The following SLC9B1 variants were observed in gnomAD, a reference collection of about 807,000 sequenced individuals.
SLC9B1 encodes solute carrier family 9 member B1, also known as sodium/hydrogen exchanger 9B1.
A neutral mutation model predicts 51.7 loss-of-function variants in SLC9B1; 32 were observed. That is an observed-to-expected ratio of 0.62 (90% CI 0.47 to 0.83). The LOEUF (loss-of-function observed/expected upper bound fraction) is 0.83. Ranked by LOEUF, SLC9B1 falls within the 40% of genes least tolerant of loss-of-function variation. The probability of loss-of-function intolerance (pLI) is 0.00; values close to 1 mark genes in which losing one functional copy is unlikely to be tolerated. For missense variants in SLC9B1, 406 were observed against 613.2 expected (o/e 0.66, Z 3.57); for synonymous variants, 145 against 212.7 (o/e 0.68, Z 2.77).
At chr4:103,001,115 C>G (rs1297316258) in intron 1 of SLC9B1, among the ~76,000 whole-genome samples, 4 of 152,198 alleles carry the variant, frequency 2.6e-5, no homozygotes, top group Admixed American at 2.0e-4. Context: ...TGGGGTTTCA[C>G]CCTCTTGAAG....
At chr4:102,931,324 GGAAAGGAA>G (rs1288315389) in intron 7 of SLC9B1, among the ~76,000 whole-genome samples, 1 of 151,464 alleles carries the variant, frequency 6.6e-6, no homozygotes, top group African/African-American at 2.4e-5. Flanking sequence ...GAAAGGAAAG[GGAAAGGAA>G]GAAGGGAAGA....
In SLC9B1 at chr4:103,005,954, G is replaced by C. The variant is rs1286573808; in HGVS notation, c.-2+13645C>G. 3.3e-5 allele frequency among the ~76,000 whole-genome samples: 5 copies of C among 152,226 alleles called. No individual in the cohort carries two copies. The East Asian group carries it at 9.6e-4, about 29-fold the overall frequency. ...CTGAGACAGGGCTAAAGCATGCTAAGAGAAAAGTTTATAGCACTAAATGCC... is the reference window on the plus strand; with the variant it reads ...CTGAGACAGGGCTAAAGCATGCTAACAGAAAAGTTTATAGCACTAAATGCC... On this transcript the variant is annotated intron_variant, in intron 1 of 11. Coordinates refer to ENST00000296422, the MANE Select transcript of SLC9B1 (RefSeq NM_139173.4).
rs1466561136 is a variant in SLC9B1, at chr4:102,975,584, A to ATTTTTTTTTTT, written c.211+14215_211+14216insAAAAAAAAAAA. Reference sequence around the variant, plus strand: ...TATATACATATATATATATATATATATATTTTTTTTTTTTTTTTTTTTTTT... The same window carrying ATTTTTTTTTTT: ...TATATACATATATATATATATATATATTTTTTTTTTTTATTTTTTTTTTTTTTTTTTTTTTT... On this transcript the variant is annotated intron_variant, in intron 3 of 11. Coordinates refer to ENST00000296422, the MANE Select transcript of SLC9B1 (RefSeq NM_139173.4). Among the ~76,000 whole-genome samples the ATTTTTTTTTTT allele has an allele frequency of 8.5e-4, 68 of 80,120 alleles. 4 individuals carry two copies. The highest frequency in any genetic ancestry group is 1.8e-3 in the East Asian group (5 of 2,730). The allele number at this position is 80,120 out of a possible 152,430, so 52.6% of individuals were successfully genotyped here. A position where few individuals can be genotyped will look rare whatever the true frequency, so the allele number is the denominator to read the frequency against.
At chr4:102,923,923 A>G (rs1736017834) in intron 7 of SLC9B1, among the ~76,000 whole-genome samples, 1 of 152,226 alleles carries the variant, frequency 6.6e-6, no homozygotes, top group African/African-American at 2.4e-5. Flanking sequence ...AAACAAATGG[A>G]AGAACATTCC....
At chr4:102,893,203 A>G (rs536257858) in intron 11 of SLC9B1, among the ~76,000 whole-genome samples, 1 of 144,688 alleles carries the variant, frequency 6.9e-6, no homozygotes, top group African/African-American at 2.6e-5. Flanking sequence ...AATCGCTTGA[A>G]TCCAGGAGGC....
chr4:102,991,823 T>C, intron 1 of SLC9B1, 111 bp from the exon 2 acceptor site: 1 of 675,174 alleles, frequency 1.5e-6, no homozygotes, highest in Non-Finnish European at 2.4e-6. Context: ...TGTTCTAAAG[T>C]TGTATCACAG....
intron 9 of SLC9B1, among the ~76,000 whole-genome samples, chr4:102,906,998 T>C (rs1195698752): frequency 6.6e-6 from 1 of 152,204 alleles, no homozygotes; most frequent in African/African-American, 2.4e-5. Context: ...ACTGGCATTA[T>C]AGGCATGAGC....
At chr4:102,928,262 T>G (rs1736287820) in intron 7 of SLC9B1, among the ~76,000 whole-genome samples, 2 of 152,160 alleles carry the variant, frequency 1.3e-5, no homozygotes, top group Admixed American at 6.6e-5. Flanking sequence ...CTACCAGATG[T>G]CCTCAATCAT....
At position 102,885,520 on chromosome 4, in the gene SLC9B1, GA is replaced by G. The variant is rs1733863540; in HGVS notation, c.1333-193del. On this transcript the variant is annotated intron_variant, in intron 11 of 11. Coordinates refer to the SLC9B1 transcript ENST00000394789. ...CCCCAGTTTTGAAGTTCTTTAAGAT[GA>G]GAGAATTTTCTGTAATATTTGGTAT... is the stretch of plus-strand genomic sequence containing the variant. The G allele has an allele frequency of 4.0e-6, 4 of 999,602 alleles. No homozygotes were observed. In the Admixed American group the frequency reaches 7.8e-5, roughly 19 times the overall value. The allele number at this position is 999,602 out of a possible 1,614,324, so 61.9% of individuals were successfully genotyped here. A position where few individuals can be genotyped will look rare whatever the true frequency, so the allele number is the denominator to read the frequency against.
At chr4:102,958,943 G>C (rs1261044228) in intron 3 of SLC9B1, among the ~76,000 whole-genome samples, 1 of 151,618 alleles carries the variant, frequency 6.6e-6, no homozygotes, top group Non-Finnish European at 1.5e-5. Context: ...AAAATCAACA[G>C]AGAAATTGAA....
intron 7 of SLC9B1, among the ~76,000 whole-genome samples, chr4:102,925,987 G>A (rs1464881782): frequency 2.0e-5 from 3 of 152,226 alleles, no homozygotes; most frequent in Non-Finnish European, 4.4e-5. Context: ...CAGAACCAAA[G>A]ACAAAAACCA....
chr4:102,985,669 G>GC (rs946073944), intron 3 of SLC9B1, among the ~76,000 whole-genome samples: 16 of 151,792 alleles, frequency 1.1e-4, no homozygotes, highest in Non-Finnish European at 2.1e-4. Flanking sequence ...GATTACAGGT[G>GC]CCTGCCACCA....
chr4:102,929,876 G>A (rs1357527150), intron 7 of SLC9B1, among the ~76,000 whole-genome samples: 2 of 152,168 alleles, frequency 1.3e-5, no homozygotes, highest in African/African-American at 4.8e-5. Flanking sequence ...AAGAATGACA[G>A]ATACCAATCA....
chr4:102,980,217 C>A (rs1004413423), intron 3 of SLC9B1, among the ~76,000 whole-genome samples: 5 of 152,152 alleles, frequency 3.3e-5, no homozygotes, highest in African/African-American at 1.2e-4. Flanking sequence ...AGCAGAAATA[C>A]CATTTGACCC....
At chr4:102,955,812 C>G (rs1473236515) in intron 3 of SLC9B1, among the ~76,000 whole-genome samples, 1 of 130,220 alleles carries the variant, frequency 7.7e-6, no homozygotes, top group Admixed American at 8.1e-5. Context: ...GAGAGAGAAA[C>G]AACAAACAAA....
At position 103,019,015 on chromosome 4, in the gene SLC9B1, A is replaced by C. The variant is rs548301787; in HGVS notation, c.-2+584T>G. ...AATGCCTGATGATCTGAGATAGAAG[A>C]GTGTCATCCCATCTTGCCCCCCACC... On this transcript the variant is annotated intron_variant, in intron 1 of 11. Transcript: ENST00000296422. Among the ~76,000 whole-genome samples, 5 of 152,288 alleles carry C rather than the reference A, an allele frequency of 3.3e-5. No homozygotes were observed. In the South Asian group the frequency reaches 6.2e-4, roughly 19 times the overall value.
At position 102,998,507 on chromosome 4, in the gene SLC9B1, C is replaced by A. The variant is rs111505626; in HGVS notation, c.-1-6795G>T. Among the ~76,000 whole-genome samples the A allele has an allele frequency of 2.0e-3, 298 of 152,034 alleles. 5 individuals carry two copies. Among genetic ancestry groups the A allele is most frequent in the African/African-American group, 7.0e-3 (291 of 41,478 alleles). ...TAGGTGTACCAATATCTGTTTGAAT[C>A]CCTGATTTCAATTCTATTTGGTATA... is the stretch of plus-strand genomic sequence containing the variant. On this transcript the variant is annotated intron_variant, in intron 1 of 11. Coordinates refer to ENST00000296422, the MANE Select transcript of SLC9B1 (RefSeq NM_139173.4).
At chr4:102,962,403 C>A (rs935837610) in intron 3 of SLC9B1, 14 of 532,968 alleles carry the variant, frequency 2.6e-5, no homozygotes, top group African/African-American at 2.5e-4. Context: ...AATCTGAGGA[C>A]CATTATTTTT....
At chr4:102,950,557 C>T (rs1452876653) in intron 3 of SLC9B1, among the ~76,000 whole-genome samples, 1 of 152,214 alleles carries the variant, frequency 6.6e-6, no homozygotes, top group Non-Finnish European at 1.5e-5. Flanking sequence ...CCCTTTCCGG[C>T]TGTATAGAAT....
Sources: gnomAD v4.1 joint callset for allele counts (sites outside exome capture counted in the v4.1 genomes callset) on GRCh38, gnomAD v4.1.1 for gene constraint, MANE v1.5 for transcripts, NCBI Gene and HGNC (gene_info 2026-07-23, HGNC 2026-07-21) for gene names.